Variants in BCKDHA observed in about 807,000 individuals in gnomAD.
BCKDHA encodes the protein 2-oxoisovalerate dehydrogenase subunit alpha, mitochondrial.
In BCKDHA, 43 loss-of-function variants were observed where a neutral mutation model predicts 52.2. That is an observed-to-expected ratio of 0.82 (90% CI 0.64 to 1.06). The LOEUF is 1.06. BCKDHA is among the 50% of genes least tolerant of loss of function. The pLI is 0.00. For missense variants in BCKDHA, 527 were observed against 621.3 expected, an observed-to-expected ratio of 0.85 and a Z score of 1.61; for synonymous variants, 234 against 247.9, an observed-to-expected ratio of 0.94 and a Z score of 0.53.
chr19:41,422,031 G>T, intron 5 of BCKDHA, 133 bp from the exon 6 acceptor site: 1 of 857,046 alleles, frequency 1.2e-6, no homozygotes, highest in East Asian at 2.7e-5. Context: ...CAGGAGCTGA[G>T]GTGTTTCCTT....
At chr19:41,409,092 G>T (rs556256373) in intron 1 of BCKDHA, among the ~76,000 whole-genome samples, 1 of 152,240 alleles carries the variant, frequency 6.6e-6, no homozygotes, top group Admixed American at 6.5e-5. Flanking sequence ...TGGGATTACA[G>T]GTGTGCGCAA....
At chr19:41,409,332 G>A (rs576375239) in intron 1 of BCKDHA, among the ~76,000 whole-genome samples, 41 of 152,136 alleles carry the variant, frequency 2.7e-4, no homozygotes, top group Middle Eastern at 3.4e-3. Context: ...CCTTACCCTC[G>A]CTTTCTTCTG....
rs398123496 is a variant in BCKDHA, at chr19:41,410,817, G to A, written c.288+1G>A. 6.8e-6 allele frequency: 11 copies of A among 1,614,094 alleles called. No homozygotes were observed. The Admixed American group carries it at 1.0e-4, about 15-fold the overall frequency. On this transcript the variant is annotated splice_donor_variant, in intron 2 of 8. Coordinates refer to ENST00000269980, the MANE Select transcript of BCKDHA (RefSeq NM_000709.4). LOFTEE classifies it high-confidence loss of function. ...CATCAACCCCAGCGAGGACCCCCAC[G>A]TGAGAGGCGGCCTCCCCCACTTCCC...
At position 41,410,964 on chromosome 19, in the gene BCKDHA, A is replaced by T. The variant is rs201366184; in HGVS notation, c.330A>T (p.Thr110=). The change falls in exon 3 of 9, where the codon ACA becomes ACT. Residue 110 remains threonine, a synonymous_variant. Coordinates refer to ENST00000269980, the MANE Select transcript of BCKDHA (RefSeq NM_000709.4). ...TGCTGAAGCTCTACAAGAGCATGAC[A>T]CTGCTTAACACCATGGACCGCATCC... ...EKVLKLYKSM[T]LLNTMDRILY... The T allele has an allele frequency of 4.8e-5, 77 of 1,614,076 alleles. No individual in the cohort carries two copies. The East Asian group carries it at 1.6e-3, about 35-fold the overall frequency.
chr19:41,405,428 A>G (rs568279725), intron 1 of BCKDHA, among the ~76,000 whole-genome samples: 3 of 152,074 alleles, frequency 2.0e-5, no homozygotes, highest in Admixed American at 6.5e-5. Flanking sequence ...TGGGGAGTAC[A>G]GGTGTGCACC....
chr19:41,419,895 G>C, intron 5 of BCKDHA, among the ~76,000 whole-genome samples: 1 of 152,004 alleles, frequency 6.6e-6, no homozygotes, highest in Non-Finnish European at 1.5e-5. Context: ...AGCCTCCTGA[G>C]TAGCTGGGAT....
intron 5 of BCKDHA, 147 bp from the exon 6 acceptor site, chr19:41,422,017 G>A: frequency 1.3e-6 from 1 of 770,120 alleles, no homozygotes; most frequent in Non-Finnish European, 2.2e-6. Context: ...ATGCTGGGGG[G>A]CATCAGGAGC....
rs375785084 is a variant in BCKDHA at position 41,422,176 on chromosome 19, C to T, written c.659C>T (p.Ala220Val). ...ATQIPQAVGA[A>V]YAAKRANANR... ...TCATCCCCTGCAGCGGTGGGGGCGG[C>T]GTACGCAGCCAAGCGGGCCAATGCC... Residue 220 changes from alanine to valine, a missense_variant, in exon 6 of 9, where the codon GCG (alanine) becomes GTG (valine). Coordinates refer to ENST00000269980, the MANE Select transcript of BCKDHA (RefSeq NM_000709.4). The T allele has an allele frequency of 6.8e-6, 11 of 1,613,550 alleles. No individual in the cohort carries two copies. The highest frequency in any genetic ancestry group is 2.2e-5 in the East Asian group (1 of 44,868).
chr19:41,403,968 T>C (rs778320202), intron 1 of BCKDHA, among the ~76,000 whole-genome samples: 7 of 152,184 alleles, frequency 4.6e-5, no homozygotes, highest in Non-Finnish European at 1.0e-4. Context: ...TATTTACTTA[T>C]TTATTTGCTG....
chr19:41,413,945 CTG>C, intron 3 of BCKDHA, 102 bp from the exon 4 acceptor site: 1 of 983,574 alleles, frequency 1.0e-6, no homozygotes, highest in Admixed American at 1.7e-5. Flanking sequence ...TTCAGGAGGA[CTG>C]TGAATTCATG....
intron 5 of BCKDHA, among the ~76,000 whole-genome samples, chr19:41,420,902 C>A (rs538933422): frequency 6.6e-6 from 1 of 152,346 alleles, no homozygotes; most frequent in South Asian, 2.1e-4. Flanking sequence ...GGGCCTGTAG[C>A]CTGATCTAGG....
chr19:41,418,855 G>A (rs1416494674), intron 4 of BCKDHA: 3 of 452,008 alleles, frequency 6.6e-6, no homozygotes, highest in African/African-American at 2.0e-5. Context: ...AATGATTTAT[G>A]GTTAGAATAT....
At chr19:41,402,384 C>A (rs1478092295) in intron 1 of BCKDHA, among the ~76,000 whole-genome samples, 1 of 152,172 alleles carries the variant, frequency 6.6e-6, no homozygotes, top group Non-Finnish European at 1.5e-5. Flanking sequence ...TCCTTTTTCA[C>A]ATCTTGAGGC....
intron 3 of BCKDHA, among the ~76,000 whole-genome samples, chr19:41,412,569 G>A (rs1186441363): frequency 6.6e-6 from 1 of 150,918 alleles, no homozygotes; most frequent in African/African-American, 2.4e-5. Context: ...GTAGAGATGG[G>A]GTTTCTCCAT....
At position 41,424,457 on chromosome 19, in the gene BCKDHA, A is replaced by G; in HGVS notation, c.1187A>G (p.Gln396Arg). Residue 396 changes from glutamine to arginine, a missense_variant, in exon 9 of 9, where the codon CAG (glutamine) becomes CGG (arginine). Transcript: ENST00000269980. ...CCACAGGTGATGGAGGCCTTTGAGC[A>G]GGCCGAGCGGAAGCCCAAACCCAAC... ...SRRKVMEAFE[Q>R]AERKPKPNPN... 1 of 1,614,106 alleles carries G rather than the reference A, an allele frequency of 6.2e-7. No individual in the cohort carries two copies.
At position 41,422,257 on chromosome 19, in the gene BCKDHA, A is replaced by G. The variant is rs1468416468; in HGVS notation, c.740A>G (p.His247Arg). The change falls in exon 6 of 9, where the codon CAT (histidine) becomes CGT (arginine). Residue 247 changes from histidine to arginine, a missense_variant. Transcript: ENST00000269980. ...GGGGCAGCCAGTGAGGGGGACGCCC[A>G]TGCCGGCTTCAACTTCGCTGCCACA... is the stretch of plus-strand genomic sequence containing the variant. Reference protein sequence around the residue: ...GEGAASEGDAHAGFNFAATLE... With the variant: ...GEGAASEGDARAGFNFAATLE... 2 of 1,614,196 alleles carry G rather than the reference A, an allele frequency of 1.2e-6. No homozygotes were observed. The highest frequency in any genetic ancestry group is 1.7e-6 in the Non-Finnish European group (2 of 1,180,002).
intron 1 of BCKDHA, among the ~76,000 whole-genome samples, chr19:41,408,669 G>A (rs1343500088): frequency 6.6e-6 from 1 of 151,274 alleles, no homozygotes; most frequent in East Asian, 2.0e-4. Flanking sequence ...CCAGGCTGGA[G>A]TGCAGTGGTG....
chr19:41,414,263 C>T, intron 4 of BCKDHA, 106 bp downstream of exon 4: 1 of 1,127,280 alleles, frequency 8.9e-7, no homozygotes, highest in Admixed American at 2.0e-5. Flanking sequence ...GTCTAAGGAG[C>T]TGGAAGAAGA....
At chr19:41,401,016 TA>T (rs1319820163) in intron 1 of BCKDHA, among the ~76,000 whole-genome samples, 2 of 151,824 alleles carry the variant, frequency 1.3e-5, no homozygotes, top group African/African-American at 4.8e-5. Context: ...TGTCTCAAAA[TA>T]AGATAGCCAC....
Sources: allele counts gnomAD v4.1 joint callset (sites outside exome capture counted in the v4.1 genomes callset), GRCh38; gene constraint gnomAD v4.1.1; transcripts MANE v1.5; gene names NCBI Gene and HGNC (gene_info 2026-07-23, HGNC 2026-07-21).